CLEC17A: variants seen among roughly 807,000 people sequenced by gnomAD.
The protein encoded by CLEC17A is C-type lectin domain containing 17A.
Under a neutral mutation model 61.3 loss-of-function variants are expected in CLEC17A, and 37 were observed. The observed-to-expected ratio is 0.60, with a 90% CI of 0.46 to 0.79. The LOEUF (loss-of-function observed/expected upper bound fraction) is 0.79. Among genes scored for constraint, CLEC17A ranks in the 30% least tolerant of loss-of-function variants. The pLI, the probability that CLEC17A is intolerant of heterozygous loss-of-function variation, is 0.00. For missense variants in CLEC17A, 418 were observed against 464.7 expected (o/e 0.90, Z 0.92); for synonymous variants, 168 against 164.9 (o/e 1.02, Z -0.14).
Position 14,600,130 on chromosome 19 carries a change from T to C in CLEC17A, c.842T>C (p.Phe281Ser), listed in dbSNP as rs1568458106. Residue 281 changes from phenylalanine (F) to serine (S), a missense_variant, in exon 12 of 14, where the codon TTC (phenylalanine) becomes TCC (serine). Coordinates refer to ENST00000417570, the MANE Select transcript of CLEC17A (RefSeq NM_001204118.2). ...AAGTCATGGGATGAGGCCCGGATGT[T>C]CTGCCAGGAGAATTACTCTCACTTG... ...STKSWDEARM[F>S]CQENYSHLVI... is the part of the protein sequence containing the mutation. 1.2e-6 allele frequency: 2 copies of C among 1,614,048 alleles called. No individual in the cohort carries two copies. The highest frequency in any genetic ancestry group is 8.5e-7 in the Non-Finnish European group (1 of 1,179,900).
chr19:14,595,775 G>T (rs933394140), intron 8 of CLEC17A, among the ~76,000 whole-genome samples: 1 of 151,742 alleles, frequency 6.6e-6, no homozygotes, highest in East Asian at 1.9e-4. Flanking sequence ...TGATGGTAAT[G>T]ATGGTGGAAA....
At chr19:14,590,507 G>T in intron 3 of CLEC17A, among the ~76,000 whole-genome samples, 1 of 151,598 alleles carries the variant, frequency 6.6e-6, no homozygotes, top group Non-Finnish European at 1.5e-5. Context: ...TCCTGACTCA[G>T]TCTCCCTGGC....
intron 7 of CLEC17A, 115 bp from the exon 8 acceptor site, chr19:14,595,159 A>G: frequency 8.2e-7 from 1 of 1,213,550 alleles, no homozygotes; most frequent in Admixed American, 1.9e-5. Flanking sequence ...GGCGTGAGCC[A>G]CTGCCCACAG....
At chr19:14,583,034 A>C, upstream of CLEC17A, 1 of 953,318 alleles carries the variant, frequency 1.0e-6, no homozygotes, top group Non-Finnish European at 1.6e-6. Flanking sequence ...TGTCAAAATG[A>C]ATTTGCATGT....
At chr19:14,592,434 T>C in intron 4 of CLEC17A, 76 bp downstream of exon 4, 1 of 1,590,450 alleles carries the variant, frequency 6.3e-7, no homozygotes, top group South Asian at 1.1e-5. Context: ...CTGGGCATTG[T>C]AGACACACAG....
chr19:14,595,260 C>A lies in CLEC17A; in HGVS notation c.404-14C>A. 6.2e-7 allele frequency: 1 copy of A among 1,613,906 alleles called. No individual in the cohort carries two copies. Among genetic ancestry groups the A allele is most frequent in the Non-Finnish European group, 8.5e-7 (1 of 1,179,810 alleles). The stretch of plus-strand genomic sequence containing the variant: ...GGCATCTTCTGAATAAACCTCTCTC[C>A]CCCTTTCTCCCAGCTGTGAATCTTG... On this transcript the variant is annotated splice_polypyrimidine_tract_variant and intron_variant, in intron 7 of 13. Coordinates refer to ENST00000417570, the MANE Select transcript of CLEC17A (RefSeq NM_001204118.2).
chr19:14,599,568 G>A, intron 10 of CLEC17A, 149 bp from the exon 11 acceptor site: 1 of 712,102 alleles, frequency 1.4e-6, no homozygotes, highest in Non-Finnish European at 2.6e-6. Context: ...CACTGTACAT[G>A]TGGTTTTTGA....
chr19:14,605,241 G>T (rs193027582), intron 12 of CLEC17A, among the ~76,000 whole-genome samples: 1 of 151,988 alleles, frequency 6.6e-6, no homozygotes. Flanking sequence ...GGGAATACAG[G>T]CATGACACCA....
Position 14,594,815 on chromosome 19 carries a change from G to A in CLEC17A, c.403+15G>A. 1 of 1,611,556 alleles carries A rather than the reference G, an allele frequency of 6.2e-7. No individual in the cohort carries two copies. The highest frequency in any genetic ancestry group is 1.1e-5 in the South Asian group (1 of 90,962). ...TCCTCAACTGGGTGAGCAGTGGGAA[G>A]ACCCTTTAAGATGCCTAAGAGGGGA... On this transcript the variant is annotated intron_variant, in intron 7 of 13. Coordinates refer to ENST00000417570, the MANE Select transcript of CLEC17A (RefSeq NM_001204118.2).
At chr19:14,584,876 A>C (rs3865482) in intron 2 of CLEC17A, among the ~76,000 whole-genome samples, 15,733 of 135,680 alleles carry the variant, frequency 0.12, 2,762 homozygotes, top group African/African-American at 0.42. Context: ...CTCCTTCCCC[A>C]TTCCCAAACC....
In CLEC17A at chr19:14,607,016, C is replaced by G. The variant is rs1023111435; in HGVS notation, c.918C>G (p.Gly306=). Residue 306 remains glycine (G), a synonymous_variant, in exon 13 of 14, where the codon GGC becomes GGG. Transcript: ENST00000417570. ...AEHNFVAKAH[G]SPRVYWLGLN... is the part of the protein sequence containing the mutation. Reference sequence around the variant, plus strand: ...AGAATTTTGTGGCCAAGGCCCATGGCTCTCCACGGGTGTACTGGCTGGGGC... The same window carrying G: ...AGAATTTTGTGGCCAAGGCCCATGGGTCTCCACGGGTGTACTGGCTGGGGC... The G allele has an allele frequency of 2.4e-5, 31 of 1,306,092 alleles. No individual in the cohort carries two copies. Among genetic ancestry groups the G allele is most frequent in the Non-Finnish European group, 2.9e-5 (30 of 1,023,218 alleles). 80.9% of individuals were successfully genotyped at this position (1,306,092 alleles called of 1,614,324 possible).
At chr19:14,600,891 C>CTTTT (rs71166763) in intron 12 of CLEC17A, among the ~76,000 whole-genome samples, 14 of 63,218 alleles carry the variant, frequency 2.2e-4, no homozygotes, top group Admixed American at 4.3e-4. Context: ...GCTCGGCCTT[C>CTTTT]TTTTTTTTTT....
chr19:14,603,329 CTGAA>C (rs2074770170), intron 12 of CLEC17A, among the ~76,000 whole-genome samples: 1 of 152,154 alleles, frequency 6.6e-6, no homozygotes, highest in African/African-American at 2.4e-5. Flanking sequence ...CATCTACAGA[CTGAA>C]TGATCCTGGG....
intron 12 of CLEC17A, among the ~76,000 whole-genome samples, chr19:14,605,323 T>C (rs2074832234): frequency 6.6e-6 from 1 of 151,750 alleles, no homozygotes; most frequent in African/African-American, 2.4e-5. Flanking sequence ...CTCGAACTCC[T>C]GACCTCAGGT....
chr19:14,584,756 C>G (rs2074247817), intron 2 of CLEC17A, among the ~76,000 whole-genome samples: 1 of 151,982 alleles, frequency 6.6e-6, no homozygotes, highest in Non-Finnish European at 1.5e-5. Context: ...TTCCCTTCTT[C>G]AGGGCCACGT....
At chr19:14,595,408 T>G in intron 8 of CLEC17A, 93 bp downstream of exon 8, 1 of 1,413,256 alleles carries the variant, frequency 7.1e-7, no homozygotes, top group Non-Finnish European at 1.0e-6. Context: ...GAGGAACTTC[T>G]CCTTTAAGAA....
At chr19:14,594,871 T>TTTTA (rs2074505782) in intron 7 of CLEC17A, 71 bp downstream of exon 7, 2 of 1,392,746 alleles carry the variant, frequency 1.4e-6, no homozygotes, top group Non-Finnish European at 2.0e-6. Context: ...ATCCCCCAAT[T>TTTTA]TTTATTTATT....
chr19:14,590,723 G>C (rs1425401654), intron 3 of CLEC17A, among the ~76,000 whole-genome samples: 4 of 151,964 alleles, frequency 2.6e-5, no homozygotes, highest in Non-Finnish European at 5.9e-5. Flanking sequence ...GTCTCCTTCT[G>C]TTGCCCAGGC....
chr19:14,595,757 G>A (rs1199041955), intron 8 of CLEC17A, among the ~76,000 whole-genome samples: 1 of 151,702 alleles, frequency 6.6e-6, no homozygotes, highest in African/African-American at 2.4e-5. Flanking sequence ...TGGTGTTGTT[G>A]GTATTGATGA....
Sources: gnomAD v4.1 joint callset for allele counts (sites outside exome capture counted in the v4.1 genomes callset) on GRCh38, gnomAD v4.1.1 for gene constraint, MANE v1.5 for transcripts, NCBI Gene and HGNC (gene_info 2026-07-23, HGNC 2026-07-21) for gene names.